Variants in GPC5 observed in about 807,000 individuals in gnomAD.
The protein encoded by GPC5 is glypican 5.
Under a neutral mutation model 53.9 loss-of-function variants are expected in GPC5, and 47 were observed. That is an observed-to-expected ratio of 0.87 (90% confidence interval 0.69 to 1.11). The LOEUF (loss-of-function observed/expected upper bound fraction) is 1.11. GPC5 is among the 50% of genes most tolerant of loss of function. The probability of loss-of-function intolerance (pLI) is 0.00; values close to 1 mark genes in which losing one functional copy is unlikely to be tolerated. For missense variants in GPC5, 748 were observed against 713.1 expected, an observed-to-expected ratio of 1.05 and a Z score of -0.56; for synonymous variants, 286 against 263.3, an observed-to-expected ratio of 1.09 and a Z score of -0.84.
intron 7 of GPC5, among the ~76,000 whole-genome samples, chr13:92,494,001 TTAA>T (rs1879864539): frequency 1.3e-5 from 2 of 152,220 alleles, no homozygotes; most frequent in African/African-American, 4.8e-5. Flanking sequence ...ATATGGACAT[TTAA>T]TAATGAATAT....
intron 7 of GPC5, among the ~76,000 whole-genome samples, chr13:92,704,944 T>G (rs1887900833): frequency 6.6e-6 from 1 of 150,748 alleles, no homozygotes; most frequent in Non-Finnish European, 1.5e-5. Context: ...CTTGAATACA[T>G]GTATGTGTCT....
At chr13:91,963,956 G>A (rs370122706) in intron 6 of GPC5, among the ~76,000 whole-genome samples, 1 of 152,118 alleles carries the variant, frequency 6.6e-6, no homozygotes, top group Admixed American at 6.6e-5. Flanking sequence ...AGACAGTGTG[G>A]GGATTCCTCA....
chr13:92,380,479 G>A (rs544887644), intron 7 of GPC5, among the ~76,000 whole-genome samples: 6 of 152,076 alleles, frequency 3.9e-5, no homozygotes, highest in African/African-American at 7.2e-5. Flanking sequence ...GAATACAGGC[G>A]CATTGTTTGC....
intron 5 of GPC5, among the ~76,000 whole-genome samples, chr13:91,870,277 T>C (rs1165150632): frequency 6.6e-6 from 1 of 152,144 alleles, no homozygotes; most frequent in Non-Finnish European, 1.5e-5. Flanking sequence ...AATGGTTTGT[T>C]AGAAAAGGAG....
At chr13:92,039,367 T>C (rs2040923770) in intron 6 of GPC5, among the ~76,000 whole-genome samples, 1 of 152,202 alleles carries the variant, frequency 6.6e-6, no homozygotes. Flanking sequence ...CAGCAGGACT[T>C]CTATAACGTT....
chr13:91,502,017 T>A (rs570872277), intron 2 of GPC5, among the ~76,000 whole-genome samples: 1 of 152,398 alleles, frequency 6.6e-6, no homozygotes, highest in Admixed American at 6.5e-5. Context: ...CATTTTTTAA[T>A]GTGTCTTTTG....
intron 7 of GPC5, among the ~76,000 whole-genome samples, chr13:92,237,981 G>A (rs1361102642): frequency 6.6e-6 from 1 of 151,798 alleles, no homozygotes; most frequent in Non-Finnish European, 1.5e-5. Context: ...GCTGTAACTT[G>A]TTCATCCATG....
chr13:92,496,032 A>G (rs1443080593), intron 7 of GPC5, among the ~76,000 whole-genome samples: 1 of 152,134 alleles, frequency 6.6e-6, no homozygotes, highest in Non-Finnish European at 1.5e-5. Flanking sequence ...TGAACTCTAC[A>G]ATGAACTAGC....
chr13:92,579,686 T>A (rs1214932508), intron 7 of GPC5, among the ~76,000 whole-genome samples: 1 of 152,152 alleles, frequency 6.6e-6, no homozygotes. Flanking sequence ...GTCTTTGTTA[T>A]AACATGTAAC....
At chr13:92,697,003 G>A (rs1350507245) in intron 7 of GPC5, among the ~76,000 whole-genome samples, 1 of 152,070 alleles carries the variant, frequency 6.6e-6, no homozygotes, top group African/African-American at 2.4e-5. Context: ...AGATCTGATG[G>A]TTGTAGATGT....
At chr13:91,695,757 T>G (rs1354740473) in intron 3 of GPC5, among the ~76,000 whole-genome samples, 1 of 152,182 alleles carries the variant, frequency 6.6e-6, no homozygotes, top group African/African-American at 2.4e-5. Flanking sequence ...GATTTGATTA[T>G]TAATTTGGGT....
At chr13:92,695,688 A>T (rs1321109408) in intron 7 of GPC5, among the ~76,000 whole-genome samples, 1 of 151,608 alleles carries the variant, frequency 6.6e-6, no homozygotes, top group Non-Finnish European at 1.5e-5. Flanking sequence ...CTCTTGTATT[A>T]AAAATTTTAT....
chr13:92,374,207 G>C (rs2043673870), intron 7 of GPC5, among the ~76,000 whole-genome samples: 1 of 152,010 alleles, frequency 6.6e-6, no homozygotes, highest in Non-Finnish European at 1.5e-5. Context: ...TTCAGAAATA[G>C]GGTAACATTT....
chr13:91,758,117 G>T (rs918296489), intron 5 of GPC5, among the ~76,000 whole-genome samples: 5 of 151,948 alleles, frequency 3.3e-5, no homozygotes, highest in Non-Finnish European at 7.4e-5. Flanking sequence ...TATGACTAGT[G>T]CTCTTTTTTC....
intron 7 of GPC5, among the ~76,000 whole-genome samples, chr13:92,380,083 G>C (rs2043726931): frequency 6.6e-6 from 1 of 152,198 alleles, no homozygotes; most frequent in Non-Finnish European, 1.5e-5. Flanking sequence ...TTGATGCAAA[G>C]CTACCCTTCA....
At chr13:92,040,315 TC>T (rs2040932095) in intron 6 of GPC5, among the ~76,000 whole-genome samples, 1 of 152,044 alleles carries the variant, frequency 6.6e-6, no homozygotes, top group Non-Finnish European at 1.5e-5. Context: ...AACTAAACGT[TC>T]CCCCATCTGA....
chr13:92,590,108 C>T (rs1214822481), intron 7 of GPC5, among the ~76,000 whole-genome samples: 6 of 152,158 alleles, frequency 3.9e-5, no homozygotes, highest in Non-Finnish European at 2.9e-5. Flanking sequence ...TTCAGGCCCC[C>T]ATGGCCAGGG....
At chr13:91,429,724 A>G (rs911488718) in intron 1 of GPC5, among the ~76,000 whole-genome samples, 6 of 152,238 alleles carry the variant, frequency 3.9e-5, no homozygotes, top group African/African-American at 1.2e-4. Flanking sequence ...CTCAATATTC[A>G]TTATGCAAAA....
At chr13:92,824,688 C>A in intron 7 of GPC5, among the ~76,000 whole-genome samples, 2 of 147,678 alleles carry the variant, frequency 1.4e-5, no homozygotes, top group African/African-American at 5.0e-5. Context: ...AATTTTAAAT[C>A]AATATCTTAC....
Sources: gnomAD v4.1 joint callset for allele counts (sites outside exome capture counted in the v4.1 genomes callset) on GRCh38, gnomAD v4.1.1 for gene constraint, MANE v1.5 for transcripts, NCBI Gene and HGNC (gene_info 2026-07-23, HGNC 2026-07-21) for gene names.